IL33: variants seen among roughly 807,000 people sequenced by gnomAD.
IL33 encodes interleukin 33.
In IL33, 37 loss-of-function variants were observed where a neutral mutation model predicts 27.3. The ratio of observed to expected loss-of-function variants is 1.36; its 90% CI spans 1.04 to 1.78. The LOEUF (loss-of-function observed/expected upper bound fraction) is 1.78. Ranked by LOEUF, IL33 falls within the 40% of genes most tolerant of loss-of-function variation. The pLI, the probability that IL33 is intolerant of heterozygous loss-of-function variation, is 0.00. For missense variants in IL33, 406 were observed against 311.4 expected, an observed-to-expected ratio of 1.30 and a Z score of -2.29; for synonymous variants, 132 against 102.9, an observed-to-expected ratio of 1.28 and a Z score of -1.71.
At chr9:6,238,613 T>C (rs1056611715) in intron 1 of IL33, among the ~76,000 whole-genome samples, 12 of 152,218 alleles carry the variant, frequency 7.9e-5, no homozygotes, top group African/African-American at 2.9e-4. Context: ...AAGAACTCAA[T>C]GCTCTTCTTT....
chr9:6,255,383 A>G (rs1468620778), intron 7 of IL33, among the ~76,000 whole-genome samples: 1 of 152,152 alleles, frequency 6.6e-6, no homozygotes, highest in Non-Finnish European at 1.5e-5. Flanking sequence ...GGCATGTATA[A>G]CTACTCAATA....
At chr9:6,244,581 T>C (rs184166962) in intron 2 of IL33, among the ~76,000 whole-genome samples, 5 of 152,264 alleles carry the variant, frequency 3.3e-5, no homozygotes, top group Admixed American at 2.6e-4. Context: ...AATATCTTAT[T>C]GTATTTCACT....
chr9:6,223,437 A>C (rs1818496421), intron 1 of IL33, among the ~76,000 whole-genome samples: 1 of 151,952 alleles, frequency 6.6e-6, no homozygotes, highest in Non-Finnish European at 1.5e-5. Context: ...GTTCTGATAC[A>C]AAAGATTTTC....
At chr9:6,217,929 T>A (rs1818218192) in intron 1 of IL33, among the ~76,000 whole-genome samples, 1 of 147,116 alleles carries the variant, frequency 6.8e-6, no homozygotes, top group African/African-American at 2.4e-5. Flanking sequence ...CATCCTTCTG[T>A]GCCACACTGG....
chr9:6,248,356 A>G (rs1820001052), intron 2 of IL33, among the ~76,000 whole-genome samples: 1 of 145,778 alleles, frequency 6.9e-6, no homozygotes, highest in African/African-American at 2.5e-5. Flanking sequence ...TTAAGATGTA[A>G]TTAGGTCATG....
chr9:6,235,630 G>T (rs1014573185), intron 1 of IL33, among the ~76,000 whole-genome samples: 1 of 152,012 alleles, frequency 6.6e-6, no homozygotes, highest in Non-Finnish European at 1.5e-5. Flanking sequence ...ACAGACAAGG[G>T]TCTAATTTCT....
chr9:6,223,737 T>C (rs1818510463), intron 1 of IL33, among the ~76,000 whole-genome samples: 1 of 152,210 alleles, frequency 6.6e-6, no homozygotes, highest in Non-Finnish European at 1.5e-5. Flanking sequence ...TGATATACTT[T>C]TAGCTGCAAC....
rs1564076385 is a variant in IL33 at position 6,254,557 on chromosome 9, A to T, written c.612+4A>T. On this transcript the variant is annotated splice_donor_region_variant and intron_variant, in intron 7 of 7. Coordinates refer to ENST00000682010, the MANE Select transcript of IL33 (RefSeq NM_033439.4). Reference sequence around the variant, plus strand: ...CAACAAGGAACACTCTGTGGAGGTAAAAAAAAAAAATTTATCTATATCTAT... The same window carrying T: ...CAACAAGGAACACTCTGTGGAGGTATAAAAAAAAAATTTATCTATATCTAT... 2.0e-6 allele frequency: 3 copies of T among 1,480,900 alleles called. No homozygotes were observed. Among genetic ancestry groups the T allele is most frequent in the South Asian group, 1.3e-5 (1 of 75,052 alleles). The allele number at this position is 1,480,900 out of a possible 1,614,324, so 91.7% of individuals were successfully genotyped here.
At chr9:6,240,658 T>C (rs10118795) in intron 1 of IL33, among the ~76,000 whole-genome samples, 94,788 of 152,000 alleles carry the variant, frequency 0.62, 30,679 homozygotes, top group Middle Eastern at 0.73. Flanking sequence ...CTAGGTGAGT[T>C]AATAAGTAGT....
In IL33 at chr9:6,251,234, T is replaced by C. The variant is rs746267510; in HGVS notation, c.312T>C (p.Tyr104=). 9.9e-6 allele frequency: 16 copies of C among 1,613,744 alleles called. No homozygotes were observed. The East Asian group carries it at 1.6e-4, about 16-fold the overall frequency. The part of the protein sequence containing the change: ...FAFGISGVQK[Y]TRALHDSSIT... ...TTGGTATATCAGGGGTCCAGAAATATACTAGAGCACTTCATGATTCAAGTA... is the reference window on the plus strand; with the variant it reads ...TTGGTATATCAGGGGTCCAGAAATACACTAGAGCACTTCATGATTCAAGTA... The change falls in exon 4 of 8, where the codon TAT becomes TAC. Residue 104 remains tyrosine, a synonymous_variant. Transcript: ENST00000682010.
intron 1 of IL33, among the ~76,000 whole-genome samples, chr9:6,232,512 A>G (rs1306931049): frequency 1.3e-5 from 2 of 152,122 alleles, no homozygotes; most frequent in Non-Finnish European, 2.9e-5. Flanking sequence ...ACACACAAGC[A>G]TACTCCTTAC....
At chr9:6,253,299 A>C (rs900397996) in intron 5 of IL33, among the ~76,000 whole-genome samples, 1 of 152,220 alleles carries the variant, frequency 6.6e-6, no homozygotes, top group African/African-American at 2.4e-5. Context: ...TTCTAGCCCT[A>C]TTAGTATCAC....
chr9:6,251,064 T>G (rs1402153441), intron 3 of IL33, 76 bp from the exon 4 acceptor site: 5 of 1,557,168 alleles, frequency 3.2e-6, no homozygotes, highest in Non-Finnish European at 4.3e-6. Flanking sequence ...CAAGCAGCCT[T>G]AACTGGGAAT....
Position 6,241,678 on chromosome 9 carries a change from C to T in IL33, c.-11-6C>T. 6.5e-7 allele frequency: 1 copy of T among 1,547,276 alleles called. No individual in the cohort carries two copies. Among genetic ancestry groups the T allele is most frequent in the South Asian group, 1.2e-5 (1 of 85,548 alleles). ...AATGAACTAATATTATATTTTAATC[C>T]AACAGAATACTGAAAAATGAAGCCT... On this transcript the variant is annotated splice_region_variant and splice_polypyrimidine_tract_variant and intron_variant, in intron 1 of 7. Coordinates refer to ENST00000682010, the MANE Select transcript of IL33 (RefSeq NM_033439.4).
At chr9:6,235,044 T>A (rs1309092876) in intron 1 of IL33, among the ~76,000 whole-genome samples, 1 of 152,220 alleles carries the variant, frequency 6.6e-6, no homozygotes, top group African/African-American at 2.4e-5. Flanking sequence ...TCACTATCTT[T>A]ATTTTTTTCA....
chr9:6,241,587 T>C (rs570829302), intron 1 of IL33, 97 bp from the exon 2 acceptor site: 10 of 638,506 alleles, frequency 1.6e-5, no homozygotes, highest in Middle Eastern at 4.4e-4. Flanking sequence ...TTCCTCTATA[T>C]GGTTATGTTA....
intron 1 of IL33, among the ~76,000 whole-genome samples, chr9:6,232,373 G>A (rs1358284384): frequency 1.3e-5 from 2 of 152,130 alleles, no homozygotes; most frequent in Non-Finnish European, 2.9e-5. Flanking sequence ...TTGTTCAGAG[G>A]TGAATGACCA....
At chr9:6,248,342 A>C (rs1230099278) in intron 2 of IL33, among the ~76,000 whole-genome samples, 1 of 138,212 alleles carries the variant, frequency 7.2e-6, no homozygotes, top group Non-Finnish European at 1.5e-5. Context: ...GAGAGGTCGG[A>C]TCTTTAAGAT....
intron 1 of IL33, among the ~76,000 whole-genome samples, chr9:6,225,403 G>T (rs1188960723): frequency 6.6e-6 from 1 of 152,148 alleles, no homozygotes; most frequent in Non-Finnish European, 1.5e-5. Flanking sequence ...CTATTGCTCT[G>T]TGAGTTGAGA....
Sources: gnomAD v4.1 joint callset for allele counts (sites outside exome capture counted in the v4.1 genomes callset) on GRCh38, gnomAD v4.1.1 for gene constraint, MANE v1.5 for transcripts, NCBI Gene and HGNC (gene_info 2026-07-23, HGNC 2026-07-21) for gene names.